SEMA5A: variants seen among roughly 807,000 people sequenced by gnomAD.
The protein encoded by SEMA5A is semaphorin-5A.
In SEMA5A, 55 loss-of-function variants were observed where a neutral mutation model predicts 135.5. The observed-to-expected ratio is 0.41, with a 90% CI of 0.33 to 0.51. The LOEUF is 0.51. Among genes scored for constraint, SEMA5A ranks in the 20% least tolerant of loss-of-function variants. The pLI is 0.37. For missense variants in SEMA5A, 1,290 were observed against 1,419.9 expected, an observed-to-expected ratio of 0.91 and a Z score of 1.47; for synonymous variants, 580 against 546.5, an observed-to-expected ratio of 1.06 and a Z score of -0.85.
intron 2 of SEMA5A, among the ~76,000 whole-genome samples, chr5:9,383,619 C>A (rs1755707390): frequency 6.6e-6 from 1 of 152,164 alleles, no homozygotes; most frequent in Non-Finnish European, 1.5e-5. Flanking sequence ...CTGTCATTAT[C>A]TCCAAGAATG....
chr5:9,287,464 C>G (rs540382867), intron 5 of SEMA5A, among the ~76,000 whole-genome samples: 2 of 152,152 alleles, frequency 1.3e-5, no homozygotes, highest in Non-Finnish European at 2.9e-5. Context: ...AAACTTTTCC[C>G]TAAATATGAT....
At chr5:9,417,473 T>C (rs1350008616) in intron 2 of SEMA5A, among the ~76,000 whole-genome samples, 2 of 152,242 alleles carry the variant, frequency 1.3e-5, no homozygotes, top group African/African-American at 4.8e-5. Context: ...CTTTTGATAG[T>C]GAATAGACCA....
intron 13 of SEMA5A, among the ~76,000 whole-genome samples, chr5:9,134,387 ATCC>A (rs1244884723): frequency 6.6e-6 from 1 of 152,186 alleles, no homozygotes; most frequent in Non-Finnish European, 1.5e-5. Context: ...GCCTCAAGCA[ATCC>A]TCCTGTCTCA....
chr5:9,201,632 G>A (rs1451957998), intron 9 of SEMA5A, among the ~76,000 whole-genome samples: 1 of 152,118 alleles, frequency 6.6e-6, no homozygotes, highest in Non-Finnish European at 1.5e-5. Context: ...CATATAATAT[G>A]TATCAGTATT....
chr5:9,122,518 G>A (rs1740864866), intron 14 of SEMA5A, 138 bp downstream of exon 14: 2 of 854,584 alleles, frequency 2.3e-6, no homozygotes, highest in Admixed American at 4.0e-5. Flanking sequence ...AATCATGTAA[G>A]TTTTAAATGG....
chr5:9,414,174 A>G (rs1204167470), intron 2 of SEMA5A, among the ~76,000 whole-genome samples: 1 of 152,246 alleles, frequency 6.6e-6, no homozygotes, highest in Non-Finnish European at 1.5e-5. Context: ...AGACGTTATT[A>G]TAATCATCAT....
chr5:9,375,765 C>T (rs1339128042), intron 3 of SEMA5A, among the ~76,000 whole-genome samples: 2 of 151,662 alleles, frequency 1.3e-5, no homozygotes, highest in African/African-American at 2.4e-5. Context: ...TTCTGGCATA[C>T]ACCTGCCTTG....
At chr5:9,349,738 A>G (rs1754030569) in intron 3 of SEMA5A, among the ~76,000 whole-genome samples, 1 of 151,948 alleles carries the variant, frequency 6.6e-6, no homozygotes, top group African/African-American at 2.4e-5. Context: ...TGTCCCCACT[A>G]AAAATACAAA....
In SEMA5A at chr5:9,202,076, A is replaced by T; in HGVS notation, c.811T>A (p.Phe271Ile). 1.2e-6 allele frequency: 2 copies of T among 1,614,178 alleles called. No homozygotes were observed. Among genetic ancestry groups the T allele is most frequent in the Non-Finnish European group, 1.7e-6 (2 of 1,180,036 alleles). ...GAGCAGTTCAGGCGAGCCTTCATGA[A>T]TGTGGTCCAGGTGTCTTCCAGCAGG... is the stretch of plus-strand genomic sequence containing the variant. The part of the protein sequence containing the change: ...RFLLEDTWTT[F>I]MKARLNCSRP... Residue 271 changes from phenylalanine (F) to isoleucine (I), a missense_variant, in exon 9 of 23, where the codon TTC becomes ATC. This residue lies in a region of SEMA5A where 1,029 missense variants were observed against 1,086.6 expected (regional missense o/e 0.95). Transcript: ENST00000382496.
At chr5:9,149,426 C>T (rs1028291670) in intron 12 of SEMA5A, among the ~76,000 whole-genome samples, 3 of 152,134 alleles carry the variant, frequency 2.0e-5, no homozygotes, top group Non-Finnish European at 4.4e-5. Context: ...GGTGGATCAC[C>T]TGAGATCAGG....
intron 1 of SEMA5A, among the ~76,000 whole-genome samples, chr5:9,510,612 C>T (rs1225970950): frequency 1.3e-5 from 2 of 152,130 alleles, no homozygotes; most frequent in Admixed American, 6.5e-5. Flanking sequence ...CTTTAAGGAA[C>T]TATTTGTCAA....
intron 1 of SEMA5A, among the ~76,000 whole-genome samples, chr5:9,496,335 A>G (rs166535): frequency 0.97 from 147,903 of 152,316 alleles, 72,018 homozygotes; most frequent in Non-Finnish European, 1. Context: ...AAGAGCCACC[A>G]TGCCCAGCCT....
At chr5:9,475,847 A>G (rs1215961079) in intron 1 of SEMA5A, among the ~76,000 whole-genome samples, 5 of 152,260 alleles carry the variant, frequency 3.3e-5, no homozygotes, top group Admixed American at 1.3e-4. Flanking sequence ...TTAAACTAAC[A>G]TATGGCAGTT....
intron 10 of SEMA5A, among the ~76,000 whole-genome samples, chr5:9,194,600 A>G (rs1174481327): frequency 6.6e-6 from 1 of 152,214 alleles, no homozygotes; most frequent in Non-Finnish European, 1.5e-5. Flanking sequence ...CAGTGTGGTT[A>G]TCAAATAGAG....
At chr5:9,074,033 A>C (rs560792579) in intron 16 of SEMA5A, among the ~76,000 whole-genome samples, 129 of 152,280 alleles carry the variant, frequency 8.5e-4, no homozygotes, top group Middle Eastern at 3.4e-3. Flanking sequence ...GTTATCTAGA[A>C]TAGTCAAAAT....
intron 3 of SEMA5A, among the ~76,000 whole-genome samples, chr5:9,342,429 C>T (rs548357591): frequency 6.6e-6 from 1 of 152,322 alleles, no homozygotes; most frequent in African/African-American, 2.4e-5. Context: ...CACCTTCAAA[C>T]TTCAGTTAAT....
chr5:9,211,914 T>C (rs1746364622), intron 8 of SEMA5A, among the ~76,000 whole-genome samples: 1 of 152,178 alleles, frequency 6.6e-6, no homozygotes, highest in Non-Finnish European at 1.5e-5. Context: ...TTCAAGTGAG[T>C]TCACCTCCAT....
chr5:9,438,381 G>A (rs3798012), intron 1 of SEMA5A, among the ~76,000 whole-genome samples: 8,097 of 152,208 alleles, frequency 0.053, 242 homozygotes, highest in Non-Finnish European at 0.061. Flanking sequence ...TATAGGAAAA[G>A]GAATGATGCA....
intron 5 of SEMA5A, among the ~76,000 whole-genome samples, chr5:9,252,477 G>A (rs998519087): frequency 2.0e-5 from 3 of 152,168 alleles, no homozygotes; most frequent in African/African-American, 4.8e-5. Flanking sequence ...CATGGATATT[G>A]TTCCATAACC....
Sources: gnomAD v4.1 joint callset for allele counts (sites outside exome capture counted in the v4.1 genomes callset) on GRCh38, gnomAD v4.1.1 for gene constraint, gnomAD v4.1.1 regional missense constraint, MANE v1.5 for transcripts, NCBI Gene and HGNC (gene_info 2026-07-23, HGNC 2026-07-21) for gene names.